Variants in DNAH6 observed in about 807,000 individuals in gnomAD.
DNAH6 encodes the protein dynein axonemal heavy chain 6, also known as axonemal beta dynein heavy chain 6.
DNAH6 carries 340 observed loss-of-function variants against 491.4 expected under a neutral mutation model. The observed-to-expected ratio is 0.69, with a 90% CI of 0.63 to 0.76. The LOEUF (loss-of-function observed/expected upper bound fraction) is 0.76. DNAH6 is among the 30% of genes least tolerant of loss of function. DNAH6 has a pLI of 0.00. For missense variants in DNAH6, 4,443 were observed against 4,972.2 expected (o/e 0.89, Z 3.20); for synonymous variants, 1,603 against 1,686.1 (o/e 0.95, Z 1.21).
intron 67 of DNAH6, among the ~76,000 whole-genome samples, chr2:84,786,855 AT>A (rs756726779): frequency 4.0e-5 from 6 of 151,570 alleles, no homozygotes; most frequent in Non-Finnish European, 7.4e-5. Context: ...TGTAGGTGAA[AT>A]TTTTTTTTCT....
At chr2:84,466,841 CAA>C in the DNAH6 span, among the ~76,000 whole-genome samples, 1 of 152,140 alleles carries the variant, frequency 6.6e-6, no homozygotes, top group African/African-American at 2.4e-5. Flanking sequence ...ACATGATTGA[CAA>C]AGAAATTTGG....
rs549229235 is a variant in DNAH6 at position 84,634,557 on chromosome 2, T to C, written c.4569T>C (p.Phe1523=). ...GLAQSGAWCC[F]DEFNRIDIEV... The stretch of plus-strand genomic sequence containing the variant: ...CACAGTCAGGGGCCTGGTGCTGCTT[T>C]GATGAATTTAATCGAATTGACATAG... Residue 1523 remains phenylalanine (F), a synonymous_variant, in exon 30 of 77, where the codon TTT becomes TTC. Coordinates refer to ENST00000389394, the MANE Select transcript of DNAH6 (RefSeq NM_001370.2). 6.4e-7 allele frequency: 1 copy of C among 1,550,510 alleles called. No homozygotes were observed. The highest frequency in any genetic ancestry group is 2.4e-5 in the East Asian group (1 of 40,830).
chr2:84,714,149 G>A (rs1011828390), intron 57 of DNAH6, among the ~76,000 whole-genome samples: 11 of 152,124 alleles, frequency 7.2e-5, no homozygotes. Flanking sequence ...AAAGGAACTT[G>A]ACCTCAAGAA....
At chr2:84,799,729 G>A (rs143516584) in intron 70 of DNAH6, among the ~76,000 whole-genome samples, 61 of 152,296 alleles carry the variant, frequency 4.0e-4, no homozygotes, top group East Asian at 1.2e-3. Flanking sequence ...AGGAGGGAGC[G>A]CACTCCACCA....
intron 21 of DNAH6, among the ~76,000 whole-genome samples, chr2:84,608,022 A>G (rs917141160): frequency 3.3e-5 from 5 of 151,976 alleles, no homozygotes; most frequent in African/African-American, 1.2e-4. Context: ...CTTTGTTGTC[A>G]TTTCAACAAT....
the DNAH6 span, among the ~76,000 whole-genome samples, chr2:84,487,760 C>T: frequency 7.3e-3 from 1,105 of 152,270 alleles, 15 homozygotes; most frequent in African/African-American, 0.025. Flanking sequence ...TGGAAGAAGC[C>T]AGAGAGCAAG....
intron 22 of DNAH6, among the ~76,000 whole-genome samples, chr2:84,614,308 C>T (rs1686618567): frequency 6.6e-6 from 1 of 152,060 alleles, no homozygotes; most frequent in Non-Finnish European, 1.5e-5. Context: ...TCCTGAGTTA[C>T]TTCACTTGGA....
At chr2:84,477,244 T>G in the DNAH6 span, among the ~76,000 whole-genome samples, 1 of 152,152 alleles carries the variant, frequency 6.6e-6, no homozygotes, top group African/African-American at 2.4e-5. Flanking sequence ...GATCTACAGC[T>G]GTGATGGTTT....
chr2:84,463,803 T>G, the DNAH6 span, among the ~76,000 whole-genome samples: 1 of 152,192 alleles, frequency 6.6e-6, no homozygotes, highest in Non-Finnish European at 1.5e-5. Context: ...CTCATTTGCA[T>G]TTTTTTCATT....
intron 4 of DNAH6, among the ~76,000 whole-genome samples, chr2:84,540,124 T>C (rs1275775371): frequency 1.3e-5 from 2 of 152,102 alleles, no homozygotes; most frequent in African/African-American, 4.8e-5. Flanking sequence ...TTAAAGCAGG[T>C]AAGGAATAAC....
At chr2:84,500,298 C>T in the DNAH6 span, among the ~76,000 whole-genome samples, 8 of 152,128 alleles carry the variant, frequency 5.3e-5, no homozygotes, top group Non-Finnish European at 1.0e-4. Flanking sequence ...TGTCTTTCCC[C>T]AGTGTATGTT....
chr2:84,643,052 AG>A (rs1310966978), intron 33 of DNAH6, among the ~76,000 whole-genome samples: 2 of 152,128 alleles, frequency 1.3e-5, no homozygotes, highest in Non-Finnish European at 2.9e-5. Context: ...ATTTCTTGCA[AG>A]GCAAGGCTAC....
chr2:84,521,978 A>G (rs896803947), intron 2 of DNAH6, among the ~76,000 whole-genome samples: 14 of 151,998 alleles, frequency 9.2e-5, no homozygotes, highest in African/African-American at 2.9e-4. Flanking sequence ...TTCCATATGA[A>G]TTTTAAGATA....
Position 84,653,393 on chromosome 2 carries a change from T to C in DNAH6, c.5153T>C (p.Val1718Ala), listed in dbSNP as rs1690645010. The change falls in exon 34 of 77, where the codon GTG (valine) becomes GCG (alanine). Residue 1718 changes from valine (V) to alanine (A), a missense_variant. Val to Ala is a moderately conservative substitution (Grantham distance 64). Transcript: ENST00000389394. ...TATGGTATTTTACAATCAACAATTG[T>C]GGATGTCATGAATAGACAAAATCTT... is the stretch of plus-strand genomic sequence containing the variant. ...HDYGILQSTI[V>A]DVMNRQNLQP... 1 of 1,550,924 alleles carries C rather than the reference T, an allele frequency of 6.4e-7. No homozygotes were observed. Among genetic ancestry groups the C allele is most frequent in the East Asian group, 2.4e-5 (1 of 40,910 alleles).
chr2:84,504,844 G>GC, the DNAH6 span, among the ~76,000 whole-genome samples: 10 of 152,140 alleles, frequency 6.6e-5, no homozygotes, highest in Non-Finnish European at 1.3e-4. Flanking sequence ...GCTACTTAAG[G>GC]CCCCTTGCAA....
chr2:84,679,659 A>C (rs1573460442), intron 41 of DNAH6, among the ~76,000 whole-genome samples: 1 of 152,378 alleles, frequency 6.6e-6, no homozygotes, highest in East Asian at 1.9e-4. Context: ...CCAGATCCTT[A>C]AGTAGAATAC....
chr2:84,711,693 T>G (rs1459568579), intron 56 of DNAH6, among the ~76,000 whole-genome samples: 1 of 152,158 alleles, frequency 6.6e-6, no homozygotes, highest in East Asian at 1.9e-4. Context: ...CAAGCAACCT[T>G]GCCTGCCTAG....
At chr2:84,730,946 G>C (rs1699069825) in intron 61 of DNAH6, among the ~76,000 whole-genome samples, 2 of 152,116 alleles carry the variant, frequency 1.3e-5, no homozygotes, top group East Asian at 3.8e-4. Context: ...TGTAACACAG[G>C]GAAATGCCAC....
In DNAH6 at chr2:84,622,431, T is replaced by A. The variant is rs79017076; in HGVS notation, c.4071+880T>A. 7.5e-3 allele frequency among the ~76,000 whole-genome samples: 1,137 copies of A among 152,228 alleles called. 10 individuals carry two copies. Among genetic ancestry groups the A allele is most frequent in the Middle Eastern group, 0.01 (3 of 294 alleles). On this transcript the variant is annotated intron_variant, in intron 26 of 76. Coordinates refer to ENST00000389394, the MANE Select transcript of DNAH6 (RefSeq NM_001370.2). ...AGCTAATTATTTTTATTATTATTAT[T>A]TTTTGTAGAGACAGGGTCTCACTGT...
Sources: gnomAD v4.1 joint callset for allele counts (sites outside exome capture counted in the v4.1 genomes callset) on GRCh38, gnomAD v4.1.1 for gene constraint, MANE v1.5 for transcripts, NCBI Gene and HGNC (gene_info 2026-07-23, HGNC 2026-07-21) for gene names.